Variants in STS observed in about 807,000 individuals in gnomAD.
STS encodes the protein steroid sulfatase.
In STS, 7 loss-of-function variants were observed where a neutral mutation model predicts 26.8. That is an observed-to-expected ratio of 0.26 (90% CI 0.15 to 0.49). The LOEUF (loss-of-function observed/expected upper bound fraction) is 0.49, where lower values mean the gene tolerates loss of function less well. Among genes scored for constraint, STS ranks in the 20% least tolerant of loss-of-function variants. The pLI, the probability that STS is intolerant of heterozygous loss-of-function variation, is 0.98. For missense variants in STS, 434 were observed against 465.6 expected, an observed-to-expected ratio of 0.93 and a Z score of 0.63; for synonymous variants, 199 against 189.4, an observed-to-expected ratio of 1.05 and a Z score of -0.42.
chrX:7,250,072 C>T (rs998072645), intron 2 of STS, among the ~76,000 whole-genome samples: 1 of 110,440 alleles, frequency 9.1e-6, no homozygotes, highest in African/African-American at 3.3e-5. Flanking sequence ...GAACTACAGA[C>T]GTGCACCACC....
At chrX:7,342,237 A>G (rs1928324372) in intron 10 of STS, among the ~76,000 whole-genome samples, 1 of 111,514 alleles carries the variant, frequency 9.0e-6, no homozygotes, top group Admixed American at 9.6e-5. Context: ...GGAGACCTCA[A>G]GTGTTGACTG....
chrX:7,209,667 C>G (rs922048737), intron 2 of STS, among the ~76,000 whole-genome samples: 2 of 100,914 alleles, frequency 2.0e-5, no homozygotes, highest in Non-Finnish European at 4.0e-5. Flanking sequence ...TGTATTCCTT[C>G]TAAAAAAAAC....
In STS at chrX:7,259,585, C is replaced by T. The variant is rs760705882; in HGVS notation, c.619C>T (p.Pro207Ser). ...ALNCLGLLHV[P>S]LGVFFSLLFL... is the part of the protein sequence containing the mutation. ...CAATTGTCTGGGGCTACTCCACGTG[C>T]CTCTAGGCGTTTTTTTCAGCCTTCT... Residue 207 changes from proline to serine, a missense_variant, in exon 6 of 11, where the codon CCT (proline) becomes TCT (serine). Around this residue, in one of 2 missense-constraint regions of STS, gnomAD observed 229 missense variants for 288.3 expected, o/e 0.79. Transcript: ENST00000674429. 4 of 1,211,553 alleles carry T rather than the reference C, an allele frequency of 3.3e-6. No homozygotes were observed. The highest frequency in any genetic ancestry group is 2.2e-5 in the Admixed American group (1 of 46,023).
intron 2 of STS, among the ~76,000 whole-genome samples, chrX:7,197,963 A>G (rs533304701): frequency 5.3e-5 from 6 of 112,381 alleles, no homozygotes; most frequent in East Asian, 5.6e-4. Flanking sequence ...TACAATACTG[A>G]TAAAAATTAT....
chrX:7,262,416 C>T, intron 6 of STS, among the ~76,000 whole-genome samples: 1 of 111,462 alleles, frequency 9.0e-6, no homozygotes. Flanking sequence ...GACCAGGCCC[C>T]ATGTCTCCAC....
intron 1 of STS, among the ~76,000 whole-genome samples, chrX:7,173,126 T>C (rs745780985): frequency 2.7e-5 from 3 of 110,504 alleles, no homozygotes; most frequent in Non-Finnish European, 5.7e-5. Flanking sequence ...TGTGTGTTGT[T>C]TCCCTCCCTG....
intron 2 of STS, among the ~76,000 whole-genome samples, chrX:7,206,931 G>C (rs1650607738): frequency 1.8e-5 from 2 of 112,334 alleles, no homozygotes; most frequent in African/African-American, 6.5e-5. Flanking sequence ...CCTTGGGCTT[G>C]GGGGGCAATG....
chrX:7,302,169 T>A (rs772018647), intron 7 of STS, among the ~76,000 whole-genome samples: 16 of 111,652 alleles, frequency 1.4e-4, no homozygotes, highest in Non-Finnish European at 2.3e-4. Flanking sequence ...ATATGCCCTT[T>A]ACTAAATACT....
chrX:7,174,053 G>C (rs1355297582), intron 1 of STS, among the ~76,000 whole-genome samples: 1 of 111,555 alleles, frequency 9.0e-6, no homozygotes, highest in African/African-American at 3.3e-5. Flanking sequence ...AGAAAGAAAT[G>C]GATCAAGTGC....
chrX:7,205,078 A>G (rs1442152032), intron 2 of STS, among the ~76,000 whole-genome samples: 3 of 111,798 alleles, frequency 2.7e-5, no homozygotes, highest in African/African-American at 6.5e-5. Context: ...TGTGGTACCC[A>G]GACTCCATGG....
intron 2 of STS, among the ~76,000 whole-genome samples, chrX:7,244,087 T>C (rs1922749914): frequency 9.1e-6 from 1 of 110,198 alleles, no homozygotes; most frequent in Non-Finnish European, 1.9e-5. Context: ...AGAAGAAGAG[T>C]ATGGCTCCCA....
intron 9 of STS, among the ~76,000 whole-genome samples, chrX:7,326,913 AACACACACACAG>A (rs1927504736): frequency 9.0e-6 from 1 of 111,316 alleles, no homozygotes; most frequent in Non-Finnish European, 1.9e-5. Flanking sequence ...ACCCTTCCTC[AACACACACACAG>A]ACACACACAC....
intron 1 of STS, among the ~76,000 whole-genome samples, chrX:7,173,729 T>C (rs1164748702): frequency 1.8e-5 from 2 of 112,546 alleles, no homozygotes; most frequent in Non-Finnish European, 1.9e-5. Context: ...CCTGGCCACA[T>C]TAATGTCTTC....
chrX:7,205,698 G>A (rs1192434649), intron 2 of STS, among the ~76,000 whole-genome samples: 1 of 100,548 alleles, frequency 9.9e-6, no homozygotes, highest in Non-Finnish European at 2.0e-5. Context: ...GGCACTCCTG[G>A]CTGGAGTGCA....
intron 2 of STS, among the ~76,000 whole-genome samples, chrX:7,205,523 A>G (rs1170622508): frequency 1.8e-5 from 2 of 111,942 alleles, no homozygotes; most frequent in African/African-American, 3.2e-5. Context: ...TTCAGGGGCC[A>G]ATGCAACTGT....
chrX:7,335,380 G>C (rs1439884831), intron 10 of STS, among the ~76,000 whole-genome samples: 4 of 112,162 alleles, frequency 3.6e-5, no homozygotes, highest in Non-Finnish European at 7.5e-5. Flanking sequence ...ATTTTTTTAT[G>C]TGTCTGTTGG....
intron 1 of STS, among the ~76,000 whole-genome samples, chrX:7,168,167 T>A (rs1222765885): frequency 1.8e-5 from 2 of 111,027 alleles, no homozygotes; most frequent in Non-Finnish European, 3.8e-5. Flanking sequence ...AAGTTGTGAG[T>A]ACCAGGGGCT....
At chrX:7,191,116 A>G in intron 2 of STS, 108 bp downstream of exon 2, 2 of 342,550 alleles carry the variant, frequency 5.8e-6, no homozygotes, top group Non-Finnish European at 7.6e-6. Context: ...TGATCTTGAT[A>G]ATGGTATTGA....
chrX:7,340,014 T>C (rs1463910856), intron 10 of STS, among the ~76,000 whole-genome samples: 2 of 98,644 alleles, frequency 2.0e-5, no homozygotes, highest in African/African-American at 7.6e-5. Flanking sequence ...TACTTCCTTA[T>C]AGAAACAAAG....
Sources: gnomAD v4.1 joint callset for allele counts (sites outside exome capture counted in the v4.1 genomes callset) on GRCh38, gnomAD v4.1.1 for gene constraint, gnomAD v4.1.1 regional missense constraint, MANE v1.5 for transcripts, NCBI Gene and HGNC (gene_info 2026-07-23, HGNC 2026-07-21) for gene names.